ESYT3: variants seen among roughly 807,000 people sequenced by gnomAD.
The protein encoded by ESYT3 is extended synaptotagmin 3, also known as extended synaptotagmin-3.
Under a neutral mutation model 111.5 loss-of-function variants are expected in ESYT3, and 101 were observed. The observed-to-expected ratio is 0.91, with a 90% confidence interval of 0.77 to 1.07. The LOEUF is 1.07. Among genes scored for constraint, ESYT3 ranks in the 50% least tolerant of loss-of-function variants. The pLI is 0.00. For synonymous variants in ESYT3, 416 were observed against 446.8 expected (o/e 0.93, Z 0.87); for missense variants, 1,097 against 1,109.4 (o/e 0.99, Z 0.16).
intron 2 of ESYT3, among the ~76,000 whole-genome samples, chr3:138,453,625 G>C (rs1329556602): frequency 1.3e-5 from 2 of 152,198 alleles, no homozygotes; most frequent in Non-Finnish European, 2.9e-5. Context: ...GAAAGATACA[G>C]TCTTGTATCT....
chr3:138,476,953 C>A lies in ESYT3; in HGVS notation c.*99C>A. ...TACATCCAATATATGTATATTTTGT[C>A]ATTTAAATCAGAACAACCACTTGAA... On this transcript the variant is annotated 3_prime_UTR_variant, in exon 23 of 23. Transcript: ENST00000389567. The A allele has an allele frequency of 1.1e-6, 1 of 898,236 alleles. No homozygotes were observed. Among genetic ancestry groups the A allele is most frequent in the Non-Finnish European group, 1.7e-6 (1 of 604,754 alleles). 55.6% of individuals were successfully genotyped at this position (898,236 alleles called of 1,614,324 possible). A position where few individuals can be genotyped will look rare whatever the true frequency, so the allele number is the denominator to read the frequency against.
rs2032205410 is a variant in ESYT3, at chr3:138,455,275, A to G, written c.451A>G (p.Lys151Glu). The G allele has an allele frequency of 2.5e-6, 4 of 1,614,168 alleles. No individual in the cohort carries two copies. Among genetic ancestry groups the G allele is most frequent in the Non-Finnish European group, 3.4e-6 (4 of 1,180,028 alleles). Residue 151 changes from lysine (K) to glutamate (E), a missense_variant, in exon 3 of 23, where the codon AAG becomes GAG. Lys to Glu is a moderately conservative substitution (Grantham distance 56). Coordinates refer to ENST00000389567, the MANE Select transcript of ESYT3 (RefSeq NM_031913.5). ...REKLEPKIRE[K>E]SIHLRTFTFT... ...GAAACTTGAGCCCAAGATCCGAGAG[A>G]AGAGCATCCACCTGAGGACCTTTAC...
In ESYT3 at chr3:138,476,428, T is replaced by C. The variant is rs372750089; in HGVS notation, c.2575-15T>C. On this transcript the variant is annotated splice_polypyrimidine_tract_variant and intron_variant, in intron 21 of 22. Coordinates refer to ENST00000389567, the MANE Select transcript of ESYT3 (RefSeq NM_031913.5). The stretch of plus-strand genomic sequence containing the variant: ...CAGTGTTTTGGAGGGGAACTAATTA[T>C]TTGTGATTATTTAGGTACTGATTGA... The C allele has an allele frequency of 2.0e-5, 33 of 1,613,344 alleles. No homozygotes were observed. The African/African-American group carries it at 4.0e-4, about 20-fold the overall frequency.
At chr3:138,447,428 C>T (rs1164216170) in intron 1 of ESYT3, among the ~76,000 whole-genome samples, 1 of 152,098 alleles carries the variant, frequency 6.6e-6, no homozygotes, top group Admixed American at 6.6e-5. Flanking sequence ...ATTTTGAAAA[C>T]TCATTAAGAG....
Position 138,457,658 on chromosome 3 carries a change from G to C in ESYT3, c.581+14G>C, listed in dbSNP as rs753678485. 1 of 1,613,962 alleles carries C rather than the reference G, an allele frequency of 6.2e-7. No individual in the cohort carries two copies. The highest frequency in any genetic ancestry group is 1.7e-5 in the Admixed American group (1 of 60,026). ...CCTGCAGATCTGGTGAGCTCTATCG[G>C]GCTGGGTATGGGCTTCGGGGTGCAG... On this transcript the variant is annotated intron_variant, in intron 4 of 22. Transcript: ENST00000389567.
At position 138,434,861 on chromosome 3, in the gene ESYT3, G is replaced by T. The variant is rs1178254658; in HGVS notation, c.63G>T (p.Pro21=). ...GCGCCCTGGGAGCCCAGCGCACGCC[G>T]GGCCCCGAGCTGCGCCTGTCCAGCC... is the stretch of plus-strand genomic sequence containing the variant. ...APSALGAQRT[P]GPELRLSSQL... The change falls in exon 1 of 23, where the codon CCG becomes CCT. Residue 21 remains proline, a synonymous_variant. Coordinates refer to ENST00000389567, the MANE Select transcript of ESYT3 (RefSeq NM_031913.5). 1 of 1,549,456 alleles carries T rather than the reference G, an allele frequency of 6.5e-7. No individual in the cohort carries two copies.
chr3:138,452,016 A>G, intron 1 of ESYT3, 32 bp from the exon 2 acceptor site: 1 of 1,613,040 alleles, frequency 6.2e-7, no homozygotes, highest in Non-Finnish European at 8.5e-7. Flanking sequence ...TGCGGCTTCT[A>G]GTCTAACTTC....
intron 4 of ESYT3, among the ~76,000 whole-genome samples, chr3:138,457,921 G>A (rs1004538097): frequency 6.6e-6 from 1 of 152,194 alleles, no homozygotes; most frequent in African/African-American, 2.4e-5. Flanking sequence ...GTGATAAGAA[G>A]ATGTGAAGTC....
At chr3:138,467,688 C>A in intron 11 of ESYT3, 79 bp downstream of exon 11, 1 of 1,334,816 alleles carries the variant, frequency 7.5e-7, no homozygotes, top group Non-Finnish European at 1.1e-6. Flanking sequence ...CTTGCTTCAG[C>A]CCAGCTATTC....
rs2033472088 is a variant in ESYT3 at position 138,476,204 on chromosome 3, TC to T, written c.2469-17del. ...CTGAATGAAATGCATAATTCTCACT[TC>T]CTTTTTGCTTCCTAAAGATTTGAAT... On this transcript the variant is annotated intron_variant, in intron 20 of 22. Coordinates refer to ENST00000389567, the MANE Select transcript of ESYT3 (RefSeq NM_031913.5). 2 of 1,484,754 alleles carry T rather than the reference TC, an allele frequency of 1.3e-6. No homozygotes were observed. The highest frequency in any genetic ancestry group is 2.8e-5 in the African/African-American group (2 of 72,020). 92.0% of individuals were successfully genotyped at this position (1,484,754 alleles called of 1,614,324 possible).
chr3:138,472,987 C>T, intron 18 of ESYT3, 128 bp downstream of exon 18: 1 of 1,507,536 alleles, frequency 6.6e-7, no homozygotes, highest in Non-Finnish European at 8.8e-7. Context: ...TCCTAAGAGG[C>T]AGCATGGTGT....
At chr3:138,470,428 A>C (rs771927274) in intron 16 of ESYT3, 9 of 1,150,554 alleles carry the variant, frequency 7.8e-6, no homozygotes, top group Non-Finnish European at 9.7e-6. Flanking sequence ...CAGCCTATCT[A>C]CACAGGACAT....
chr3:138,446,449 C>T (rs2031545294), intron 1 of ESYT3, among the ~76,000 whole-genome samples: 2 of 152,146 alleles, frequency 1.3e-5, no homozygotes, highest in Admixed American at 6.5e-5. Flanking sequence ...CATGAGATGA[C>T]ATGAACTCAA....
At position 138,465,320 on chromosome 3, in the gene ESYT3, C is replaced by T. The variant is rs2108620742; in HGVS notation, c.1087-19C>T. ...GTCGACTGTTGCCTGCAGGTCAAGA[C>T]ACCTCTTTTTCCTTCCAGTTCATGG... On this transcript the variant is annotated intron_variant, in intron 9 of 22. Transcript: ENST00000389567. 6.4e-7 allele frequency: 1 copy of T among 1,563,456 alleles called. No individual in the cohort carries two copies. The highest frequency in any genetic ancestry group is 8.7e-7 in the Non-Finnish European group (1 of 1,149,812).
At chr3:138,446,660 C>T (rs771395478) in intron 1 of ESYT3, among the ~76,000 whole-genome samples, 1 of 152,054 alleles carries the variant, frequency 6.6e-6, no homozygotes, top group Admixed American at 6.5e-5. Flanking sequence ...GAGGCTGAGG[C>T]AGGTGGATGG....
At position 138,440,824 on chromosome 3, in the gene ESYT3, G is replaced by A. The variant is rs535514543; in HGVS notation, c.327+5699G>A. 6.6e-6 allele frequency among the ~76,000 whole-genome samples: 1 copy of A among 152,196 alleles called. No homozygotes were observed. The highest frequency in any genetic ancestry group is 2.4e-5 in the African/African-American group (1 of 41,448). On this transcript the variant is annotated intron_variant, in intron 1 of 22. Coordinates refer to ENST00000389567, the MANE Select transcript of ESYT3 (RefSeq NM_031913.5). This position sits in a 1 kb window ranked among gnomAD's most constrained non-coding sequence, Gnocchi z 4.2. ...ACAGAGGGATCTTAGGCATACATGT[G>A]TTCATTCCTATACTCACTCAGCAAG...
At chr3:138,459,107 C>T in intron 4 of ESYT3, 80 bp from the exon 5 acceptor site, 3 of 1,199,362 alleles carry the variant, frequency 2.5e-6, no homozygotes, top group South Asian at 1.7e-5. Context: ...GGCTGTGTGA[C>T]ACTGGGCAAG....
intron 8 of ESYT3, among the ~76,000 whole-genome samples, chr3:138,463,296 T>C (rs778682575): frequency 1.4e-4 from 21 of 152,046 alleles, no homozygotes; most frequent in African/African-American, 1.9e-4. Context: ...GGTTTCACCA[T>C]GTTGGCGAGG....
At chr3:138,438,550 G>A (rs58059555) in intron 1 of ESYT3, among the ~76,000 whole-genome samples, 5,723 of 152,258 alleles carry the variant, frequency 0.038, 157 homozygotes, top group African/African-American at 0.075. Flanking sequence ...GGCAGCCATC[G>A]TCAGCCAGTC....
Sources: gnomAD v4.1 joint callset for allele counts (sites outside exome capture counted in the v4.1 genomes callset) on GRCh38, gnomAD v4.1.1 for gene constraint, Gnocchi (gnomAD v3.1) non-coding constraint, MANE v1.5 for transcripts, NCBI Gene and HGNC (gene_info 2026-07-23, HGNC 2026-07-21) for gene names.